The following PDE1B variants were observed in gnomAD, a reference collection of about 807,000 sequenced individuals.
The protein encoded by PDE1B is phosphodiesterase 1B, also known as dual specificity calcium/calmodulin-dependent 3',5'-cyclic nucleotide phosphodiesterase 1B.
A neutral mutation model predicts 66.7 loss-of-function variants in PDE1B; 13 were observed. That is an observed-to-expected ratio of 0.19 (90% CI 0.13 to 0.31). PDE1B has a LOEUF of 0.31. Ranked by LOEUF, PDE1B falls within the 10% of genes least tolerant of loss-of-function variation. The pLI is 1.00. For missense variants in PDE1B, 485 were observed against 682.3 expected, an observed-to-expected ratio of 0.71 and a Z score of 3.22; for synonymous variants, 230 against 253.9, an observed-to-expected ratio of 0.91 and a Z score of 0.90.
intron 14 of PDE1B, 39 bp from the exon 15 acceptor site, chr12:54,577,183 ACTT>A (rs1957771206): frequency 1.3e-6 from 2 of 1,515,908 alleles, no homozygotes; most frequent in East Asian, 2.3e-5. Flanking sequence ...GGGGAAGAAT[ACTT>A]CTTGGCCTAA....
In PDE1B at chr12:54,575,081, C is replaced by G; in HGVS notation, c.1065-17C>G. 6.2e-7 allele frequency: 1 copy of G among 1,611,902 alleles called. No individual in the cohort carries two copies. The highest frequency in any genetic ancestry group is 1.1e-5 in the South Asian group (1 of 90,882). On this transcript the variant is annotated splice_polypyrimidine_tract_variant and intron_variant, in intron 10 of 15. Coordinates refer to ENST00000243052, the MANE Select transcript of PDE1B (RefSeq NM_000924.4). The surrounding 1 kb of genome is among the most constrained non-coding windows in gnomAD (Gnocchi z 4.0). Reference sequence around the variant, plus strand: ...TAAAAGATCAGTCTCCCTTCCCTTGCCATCTGCCCCAACCAGGATTGACAA... The same window carrying G: ...TAAAAGATCAGTCTCCCTTCCCTTGGCATCTGCCCCAACCAGGATTGACAA...
chr12:54,561,621 C>T lies in PDE1B; in HGVS notation c.114-5353C>T, dbSNP rs924295393. The T allele has an allele frequency of 3.9e-6, 6 of 1,533,000 alleles. No homozygotes were observed. The African/African-American group carries it at 8.2e-5, about 21-fold the overall frequency. The allele number at this position is 1,533,000 out of a possible 1,614,324, so 95.0% of individuals were successfully genotyped here. A position where few individuals can be genotyped will look rare whatever the true frequency, so the allele number is the denominator to read the frequency against. The stretch of plus-strand genomic sequence containing the variant: ...TGTTCCTGTTCAGAGGAGCCACCTC[C>T]AGGGCCCCATTCTCAGGTAGGTGCC... On this transcript the variant is annotated intron_variant, in intron 2 of 15. Transcript: ENST00000243052.
rs118046339 is a variant in PDE1B, at chr12:54,570,609, G to A, written c.594+252G>A. 2.8e-3 allele frequency: 1,296 copies of A among 456,502 alleles called. 4 individuals carry two copies. Among genetic ancestry groups the A allele is most frequent in the Non-Finnish European group, 4.3e-3 (1,078 of 250,670 alleles). 28.3% of individuals were successfully genotyped at this position (456,502 alleles called of 1,614,324 possible). ...CTAGCCTGGGATTCTGCTCTCTCCC[G>A]CTTTGCTTTTTTCCCCCAACTTGTC... On this transcript the variant is annotated intron_variant, in intron 6 of 15. Transcript: ENST00000243052.
At chr12:54,551,070 G>A (rs148023074) in intron 2 of PDE1B, among the ~76,000 whole-genome samples, 1,642 of 152,306 alleles carry the variant, frequency 0.011, 26 homozygotes, top group African/African-American at 0.036. Flanking sequence ...AGGAAACACA[G>A]TAAACATAGC....
At position 54,573,053 on chromosome 12, in the gene PDE1B, G is replaced by C; in HGVS notation, c.736-95G>C. The C allele has an allele frequency of 1.1e-6, 1 of 919,070 alleles. No homozygotes were observed. Among genetic ancestry groups the C allele is most frequent in the Non-Finnish European group, 1.8e-6 (1 of 563,012 alleles). 56.9% of individuals were successfully genotyped at this position (919,070 alleles called of 1,614,324 possible). ...CAAGAGCTGGCCTGGAAGCATGGAA[G>C]GGATGGGATGAGTGATCTAGCCTGT... On this transcript the variant is annotated intron_variant, in intron 7 of 15. Coordinates refer to ENST00000243052, the MANE Select transcript of PDE1B (RefSeq NM_000924.4). The surrounding 1 kb of genome is among the most constrained non-coding windows in gnomAD (Gnocchi z 5.2).
chr12:54,572,757 A>G lies in PDE1B; in HGVS notation c.735+16A>G, dbSNP rs2121141713. ...AGGGATGGTGGTAGGTGCCCTGGAGATGATTCTTCTGTGATTCAGGGCCTA... is the reference window on the plus strand; with the variant it reads ...AGGGATGGTGGTAGGTGCCCTGGAGGTGATTCTTCTGTGATTCAGGGCCTA... On this transcript the variant is annotated intron_variant, in intron 7 of 15. Coordinates refer to ENST00000243052, the MANE Select transcript of PDE1B (RefSeq NM_000924.4). 1.2e-6 allele frequency: 2 copies of G among 1,612,300 alleles called. No individual in the cohort carries two copies. Among genetic ancestry groups the G allele is most frequent in the Middle Eastern group, 1.7e-4 (1 of 6,016 alleles).
intron 2 of PDE1B, among the ~76,000 whole-genome samples, chr12:54,558,369 G>A (rs1264489960): frequency 6.8e-6 from 1 of 147,072 alleles, no homozygotes; most frequent in Non-Finnish European, 1.5e-5. Flanking sequence ...TAGCTCCTCT[G>A]TCCAGTGCTG....
chr12:54,570,324 G>A lies in PDE1B; in HGVS notation c.561G>A (p.Leu187=), dbSNP rs2121127680. 6.2e-7 allele frequency: 1 copy of A among 1,612,708 alleles called. No individual in the cohort carries two copies. Among genetic ancestry groups the A allele is most frequent in the South Asian group, 1.1e-5 (1 of 91,054 alleles). The stretch of plus-strand genomic sequence containing the variant: ...CCCTGAGGACCATTGTTTTTGAGTT[G>A]CTGACTCGGCATAACCTCATCAGCC... ...DHALRTIVFE[L]LTRHNLISRF... Residue 187 remains leucine (L), a synonymous_variant, in exon 6 of 16, where the codon TTG becomes TTA. Coordinates refer to ENST00000243052, the MANE Select transcript of PDE1B (RefSeq NM_000924.4).
Position 54,568,760 on chromosome 12 carries a change from C to T in PDE1B, c.228-424C>T, listed in dbSNP as rs150022548. ...GCAGTGAGCCAAGATCGCGCCATTGCACTCCAGCCTGGGCAACGGAGTGAG... is the reference window on the plus strand; with the variant it reads ...GCAGTGAGCCAAGATCGCGCCATTGTACTCCAGCCTGGGCAACGGAGTGAG... On this transcript the variant is annotated intron_variant, in intron 3 of 15. Transcript: ENST00000243052. 4.3e-3 allele frequency among the ~76,000 whole-genome samples: 653 copies of T among 152,088 alleles called. 7 individuals are homozygous for T. Among genetic ancestry groups the T allele is most frequent in the African/African-American group, 0.015 (617 of 41,484 alleles).
chr12:54,573,670 A>C lies in PDE1B; in HGVS notation c.1025A>C (p.Gln342Pro). The change falls in exon 10 of 16, where the codon CAA becomes CCA. Residue 342 changes from glutamine (Q) to proline (P), a missense_variant. This residue lies in a region of PDE1B where 282 missense variants were observed against 453.4 expected (regional missense o/e 0.62). Transcript: ENST00000243052. The surrounding 1 kb of genome is among the most constrained non-coding windows in gnomAD (Gnocchi z 5.2). ...ACAGACATGTCCTGCCATTTCCAGC[A>C]AGTGAAGACCATGAAGACAGCCTTG... ...LATDMSCHFQ[Q>P]VKTMKTALQQ... 6.2e-7 allele frequency: 1 copy of C among 1,614,146 alleles called. No homozygotes were observed. Among genetic ancestry groups the C allele is most frequent in the Non-Finnish European group, 8.5e-7 (1 of 1,180,024 alleles).
chr12:54,551,478 G>T (rs562084773), intron 2 of PDE1B, among the ~76,000 whole-genome samples: 2 of 152,280 alleles, frequency 1.3e-5, no homozygotes, highest in East Asian at 1.9e-4. Context: ...TGTGATTCTT[G>T]ATAGAAAATG....
chr12:54,573,856 T>TGAGAGAGAGAGAGAGAGAGAGA lies in PDE1B; in HGVS notation c.1064+162_1064+163insAGAGAGAGAGAGAGAGAGAGAG, dbSNP rs142403478. 5.0e-6 allele frequency: 2 copies of TGAGAGAGAGAGAGAGAGAGAGA among 403,444 alleles called. No homozygotes were observed. Among genetic ancestry groups the TGAGAGAGAGAGAGAGAGAGAGA allele is most frequent in the African/African-American group, 5.2e-5 (2 of 38,278 alleles). 25.0% of individuals were successfully genotyped at this position (403,444 alleles called of 1,614,324 possible). A position where few individuals can be genotyped will look rare whatever the true frequency, so the allele number is the denominator to read the frequency against. ...TCAGGTATCAGACTGCATCTCTATG[T>TGAGAGAGAGAGAGAGAGAGAGA]GAGAGAGAGAGAGAGTGTGTGTGTG... is the stretch of plus-strand genomic sequence containing the variant. On this transcript the variant is annotated intron_variant, in intron 10 of 15. Transcript: ENST00000243052. The surrounding 1 kb of genome is among the most constrained non-coding windows in gnomAD (Gnocchi z 5.2).
intron 2 of PDE1B, among the ~76,000 whole-genome samples, chr12:54,566,424 T>G (rs1957517051): frequency 6.6e-6 from 1 of 152,206 alleles, no homozygotes; most frequent in South Asian, 2.1e-4. Flanking sequence ...CAGATTTGTC[T>G]TTGTTCTGTG....
chr12:54,572,511 C>A, intron 6 of PDE1B, 90 bp from the exon 7 acceptor site: 1 of 1,246,366 alleles, frequency 8.0e-7, no homozygotes, highest in African/African-American at 1.5e-5. Flanking sequence ...TGCCACACTG[C>A]CTTCTAAAGA....
Position 54,575,703 on chromosome 12 carries a change from C to T in PDE1B, c.1267+71C>T. 2 of 1,100,122 alleles carry T rather than the reference C, an allele frequency of 1.8e-6. No homozygotes were observed. The highest frequency in any genetic ancestry group is 1.2e-5 in the South Asian group (1 of 80,972). 68.1% of individuals were successfully genotyped at this position (1,100,122 alleles called of 1,614,324 possible). On this transcript the variant is annotated intron_variant, in intron 12 of 15. Coordinates refer to ENST00000243052, the MANE Select transcript of PDE1B (RefSeq NM_000924.4). This position sits in a 1 kb window ranked among gnomAD's most constrained non-coding sequence, Gnocchi z 4.0. ...AGATGCTGCCTGGGTCAGGATTGCT[C>T]CAAGTCCTCAATCCCCCCAAACCAT...
At chr12:54,550,714 TATATAGG>T (rs1957265073) in intron 2 of PDE1B, among the ~76,000 whole-genome samples, 2 of 152,282 alleles carry the variant, frequency 1.3e-5, no homozygotes, top group South Asian at 4.1e-4. Flanking sequence ...GCTTTTTGTT[TATATAGG>T]GTCTTCCAGG....
rs1957635488 is a variant in PDE1B, at chr12:54,572,581, T to C, written c.595-20T>C. On this transcript the variant is annotated intron_variant, in intron 6 of 15. Coordinates refer to ENST00000243052, the MANE Select transcript of PDE1B (RefSeq NM_000924.4). The stretch of plus-strand genomic sequence containing the variant: ...CCTGTGGATCCTTGATATATCTCCA[T>C]TTCCCCTAACTCCCCGCAGATTCCC... The C allele has an allele frequency of 1.2e-6, 2 of 1,610,564 alleles. No individual in the cohort carries two copies. The highest frequency in any genetic ancestry group is 2.7e-5 in the African/African-American group (2 of 74,982).
chr12:54,566,174 A>G (rs943566899), intron 2 of PDE1B, among the ~76,000 whole-genome samples: 1 of 152,182 alleles, frequency 6.6e-6, no homozygotes, highest in Admixed American at 6.5e-5. Context: ...ACATGAGGTG[A>G]TTGTTCCTTC....
At chr12:54,577,548 G>T in intron 15 of PDE1B, 1 of 1,540,018 alleles carries the variant, frequency 6.5e-7, no homozygotes, top group Non-Finnish European at 8.7e-7. Context: ...AGTCCCTGCA[G>T]GAACAAAGGA....
Sources: gnomAD v4.1 joint callset for allele counts (sites outside exome capture counted in the v4.1 genomes callset) on GRCh38, gnomAD v4.1.1 for gene constraint, gnomAD v4.1.1 regional missense constraint, Gnocchi (gnomAD v3.1) non-coding constraint, MANE v1.5 for transcripts, NCBI Gene and HGNC (gene_info 2026-07-23, HGNC 2026-07-21) for gene names.